The following TMEM132D variants were observed in gnomAD, a reference collection of about 807,000 sequenced individuals.
TMEM132D encodes the protein transmembrane protein 132D.
Under a neutral mutation model 62.3 loss-of-function variants are expected in TMEM132D, and 21 were observed. The observed-to-expected ratio is 0.34, with a 90% CI of 0.24 to 0.49. The LOEUF (loss-of-function observed/expected upper bound fraction) is 0.49, where lower values mean the gene tolerates loss of function less well. TMEM132D is among the 20% of genes least tolerant of loss of function. TMEM132D has a pLI of 0.99. For synonymous variants in TMEM132D, 621 were observed against 575.6 expected, an observed-to-expected ratio of 1.08 and a Z score of -1.13; for missense variants, 1,346 against 1,402.8, an observed-to-expected ratio of 0.96 and a Z score of 0.65.
chr12:129,684,063 T>C (rs548500321), intron 2 of TMEM132D, among the ~76,000 whole-genome samples: 3 of 152,286 alleles, frequency 2.0e-5, no homozygotes, highest in African/African-American at 7.2e-5. Context: ...AAGAAGACCA[T>C]GAAGAACTTT....
At chr12:129,280,161 T>C (rs549760583) in intron 4 of TMEM132D, among the ~76,000 whole-genome samples, 1 of 152,170 alleles carries the variant, frequency 6.6e-6, no homozygotes, top group Non-Finnish European at 1.5e-5. Flanking sequence ...TGTAGCTGAA[T>C]ATAGAGGAAA....
chr12:129,419,585 C>A (rs1335926811), intron 3 of TMEM132D, among the ~76,000 whole-genome samples: 2 of 152,214 alleles, frequency 1.3e-5, no homozygotes, highest in East Asian at 3.9e-4. Context: ...TTGCTGGAAA[C>A]CAGAAATACC....
intron 5 of TMEM132D, among the ~76,000 whole-genome samples, chr12:129,090,117 G>T (rs993755725): frequency 1.3e-5 from 2 of 152,200 alleles, no homozygotes; most frequent in African/African-American, 4.8e-5. Flanking sequence ...GATCGATGGC[G>T]CTGAGGAGAA....
intron 2 of TMEM132D, among the ~76,000 whole-genome samples, chr12:129,582,250 G>A (rs1408463130): frequency 6.6e-6 from 1 of 152,200 alleles, no homozygotes; most frequent in Non-Finnish European, 1.5e-5. Context: ...TTGGGAGCAC[G>A]TAGATGCTGT....
intron 3 of TMEM132D, chr12:129,521,488 G>A (rs900399554): frequency 6.6e-6 from 1 of 152,138 alleles, no homozygotes; most frequent in South Asian, 2.1e-4. Context: ...AAAAGGAAAA[G>A]AGCAAGTTTA....
intron 2 of TMEM132D, among the ~76,000 whole-genome samples, chr12:129,595,451 G>T (rs894754406): frequency 1.3e-5 from 2 of 152,162 alleles, no homozygotes; most frequent in African/African-American, 2.4e-5. Flanking sequence ...AGCTTGAAAC[G>T]GTGGACCTGA....
intron 4 of TMEM132D, among the ~76,000 whole-genome samples, chr12:129,239,492 T>C (rs1003330612): frequency 2.6e-5 from 4 of 152,218 alleles, no homozygotes; most frequent in Admixed American, 6.5e-5. Context: ...GCAAAAGATA[T>C]GTGCAAGTTC....
chr12:129,631,606 G>T (rs1428335765), intron 2 of TMEM132D, among the ~76,000 whole-genome samples: 1 of 152,196 alleles, frequency 6.6e-6, no homozygotes, highest in Non-Finnish European at 1.5e-5. Context: ...CAGAAGAAAT[G>T]GGATGGAGAG....
At chr12:129,222,255 T>C (rs1050133425) in intron 4 of TMEM132D, among the ~76,000 whole-genome samples, 3 of 152,224 alleles carry the variant, frequency 2.0e-5, no homozygotes, top group African/African-American at 7.2e-5. Context: ...AACAGCCAAA[T>C]GCATGGTGCT....
At chr12:129,201,375 C>T (rs977170217) in intron 5 of TMEM132D, among the ~76,000 whole-genome samples, 6 of 152,212 alleles carry the variant, frequency 3.9e-5, no homozygotes, top group South Asian at 4.1e-4. Flanking sequence ...TATCCCACTC[C>T]TAAGTGGCTG....
intron 3 of TMEM132D, among the ~76,000 whole-genome samples, chr12:129,392,216 C>T (rs1372176646): frequency 6.6e-6 from 1 of 151,860 alleles, no homozygotes; most frequent in African/African-American, 2.4e-5. Flanking sequence ...TGCCACCACA[C>T]TCAGTTAATT....
chr12:129,330,584 GA>G (rs1328357744), intron 4 of TMEM132D, among the ~76,000 whole-genome samples: 2 of 152,210 alleles, frequency 1.3e-5, no homozygotes, highest in African/African-American at 4.8e-5. Flanking sequence ...ATGGGAGTGA[GA>G]CTGGTGGCAT....
chr12:129,678,560 T>C (rs1408857706), intron 2 of TMEM132D, among the ~76,000 whole-genome samples: 2 of 152,154 alleles, frequency 1.3e-5, no homozygotes, highest in Non-Finnish European at 2.9e-5. Flanking sequence ...GCATTCTAAT[T>C]GTTGGTTTAT....
chr12:129,567,301 A>G (rs925056085), intron 2 of TMEM132D, among the ~76,000 whole-genome samples: 64 of 152,232 alleles, frequency 4.2e-4, no homozygotes, highest in Non-Finnish European at 9.0e-4. Flanking sequence ...CAAATTACCA[A>G]TTCATGATAT....
At chr12:129,286,228 A>T (rs1364666821) in intron 4 of TMEM132D, among the ~76,000 whole-genome samples, 2 of 152,216 alleles carry the variant, frequency 1.3e-5, no homozygotes, top group African/African-American at 4.8e-5. Flanking sequence ...AAAATAGCTG[A>T]CGGCAAAGCA....
intron 5 of TMEM132D, among the ~76,000 whole-genome samples, chr12:129,105,800 C>G (rs969730490): frequency 3.3e-5 from 5 of 151,486 alleles, no homozygotes; most frequent in African/African-American, 1.2e-4. Flanking sequence ...GAAATAGGAA[C>G]AGTTTTACAC....
rs72488106 is a variant in TMEM132D, at chr12:129,867,902, T to C, written c.79+35359A>G. ...GAAGAAACTTCTAGGGCAATGGAAATGTCTGTGTCTCTACTAAGACAGCGT... is the reference window on the plus strand; with the variant it reads ...GAAGAAACTTCTAGGGCAATGGAAACGTCTGTGTCTCTACTAAGACAGCGT... On this transcript the variant is annotated intron_variant, in intron 1 of 8. Coordinates refer to ENST00000422113, the MANE Select transcript of TMEM132D (RefSeq NM_133448.3). This position sits in a 1 kb window ranked among gnomAD's most constrained non-coding sequence, Gnocchi z 4.5. Among the ~76,000 whole-genome samples, 1 of 152,230 alleles carries C rather than the reference T, an allele frequency of 6.6e-6. No homozygotes were observed.
intron 5 of TMEM132D, among the ~76,000 whole-genome samples, chr12:129,188,295 G>T (rs1270956937): frequency 6.6e-6 from 1 of 152,148 alleles, no homozygotes; most frequent in Non-Finnish European, 1.5e-5. Flanking sequence ...AGCTCAGGGG[G>T]CCCAGTCACC....
At chr12:129,823,625 A>G (rs1872590371) in intron 1 of TMEM132D, among the ~76,000 whole-genome samples, 1 of 152,214 alleles carries the variant, frequency 6.6e-6, no homozygotes, top group Non-Finnish European at 1.5e-5. Flanking sequence ...AAGCAAAAGC[A>G]GGCTGGTCAG....
Sources: allele counts gnomAD v4.1 joint callset (sites outside exome capture counted in the v4.1 genomes callset), GRCh38; gene constraint gnomAD v4.1.1; non-coding constraint Gnocchi (gnomAD v3.1); transcripts MANE v1.5; gene names NCBI Gene and HGNC (gene_info 2026-07-23, HGNC 2026-07-21).